SURF4: variants seen among roughly 807,000 people sequenced by gnomAD.
SURF4 encodes the protein surfeit 4.
A neutral mutation model predicts 30.0 loss-of-function variants in SURF4; 3 were observed. That is an observed-to-expected ratio of 0.10 (90% CI 0.05 to 0.26). SURF4 has a LOEUF of 0.26. Among genes scored for constraint, SURF4 ranks in the 10% least tolerant of loss-of-function variants. The pLI is 1.00. For synonymous variants in SURF4, 143 were observed against 139.9 expected, an observed-to-expected ratio of 1.02 and a Z score of -0.16; for missense variants, 217 against 350.8, an observed-to-expected ratio of 0.62 and a Z score of 3.05.
At chr9:133,375,857 A>C (rs1837884262) in intron 1 of SURF4, 65 bp downstream of exon 1, 1 of 1,207,828 alleles carries the variant, frequency 8.3e-7, no homozygotes, top group Non-Finnish European at 1.0e-6. Flanking sequence ...TGGGAGGCCG[A>C]CTCCGGAGCG....
chr9:133,370,315 C>T (rs1837430829), intron 1 of SURF4, among the ~76,000 whole-genome samples: 1 of 152,160 alleles, frequency 6.6e-6, no homozygotes, highest in African/African-American at 2.4e-5. Context: ...ACAGACACAG[C>T]TCTTGGCTTT....
chr9:133,369,270 A>C (rs938069862), intron 1 of SURF4, among the ~76,000 whole-genome samples: 1 of 152,202 alleles, frequency 6.6e-6, no homozygotes, highest in Non-Finnish European at 1.5e-5. Flanking sequence ...GGGAGAAATC[A>C]CAGTGACCGA....
intron 2 of SURF4, among the ~76,000 whole-genome samples, 198 bp downstream of exon 2, chr9:133,367,061 C>T (rs1163071235): frequency 2.0e-5 from 3 of 152,224 alleles, no homozygotes; most frequent in Non-Finnish European, 4.4e-5. Flanking sequence ...AAGCAGTGAG[C>T]TCAGGGCTAG....
At position 133,362,433 on chromosome 9, in the gene SURF4, G is replaced by C. The variant is rs1056772085; in HGVS notation, c.*1060C>G. The C allele has an allele frequency of 1.3e-5, 2 of 152,672 alleles. No homozygotes were observed. The highest frequency in any genetic ancestry group is 4.8e-5 in the African/African-American group (2 of 41,466). The allele number at this position is 152,672 out of a possible 1,614,324, so 9.5% of individuals were successfully genotyped here. A position where few individuals can be genotyped will look rare whatever the true frequency, so the allele number is the denominator to read the frequency against. On this transcript the variant is annotated 3_prime_UTR_variant, in exon 6 of 6. Coordinates refer to ENST00000371989, the MANE Select transcript of SURF4 (RefSeq NM_033161.4). The stretch of plus-strand genomic sequence containing the variant: ...TTGGCTGCATTCGGCATAGCAAACG[G>C]ACAATCTGAGTGAGCGACAGCCTCA...
chr9:133,370,720 A>G (rs1221337391), intron 1 of SURF4, among the ~76,000 whole-genome samples: 1 of 152,164 alleles, frequency 6.6e-6, no homozygotes, highest in African/African-American at 2.4e-5. Flanking sequence ...CACTAAGGCC[A>G]TTGCTGGTAG....
intron 3 of SURF4, 93 bp downstream of exon 3, chr9:133,366,506 G>C (rs587676130): frequency 5.1e-6 from 7 of 1,374,330 alleles, no homozygotes; most frequent in African/African-American, 1.4e-5. Context: ...GGGGCTGAAG[G>C]GGGAGTGACA....
At chr9:133,373,909 C>CAAAAAAAAAAAAAAAAAAAAAAAAAA (rs71824689) in intron 1 of SURF4, among the ~76,000 whole-genome samples, 10 of 47,556 alleles carry the variant, frequency 2.1e-4, no homozygotes, top group Admixed American at 3.0e-4. Flanking sequence ...AATTCTGTCT[C>CAAAAAAAAAAAAAAAAAAAAAAAAAA]AAAAAAAAAA....
At chr9:133,371,071 C>T in intron 1 of SURF4, 2 of 1,234,374 alleles carry the variant, frequency 1.6e-6, no homozygotes, top group Non-Finnish European at 2.1e-6. Flanking sequence ...ACTTCCTGGG[C>T]ATCCAGTGAT....
chr9:133,376,435 CA>C (rs1837948934), upstream of SURF4: 2 of 1,536,864 alleles, frequency 1.3e-6, no homozygotes, highest in South Asian at 1.2e-5. Flanking sequence ...GGGGTGGGGC[CA>C]GGGGTGGACG....
chr9:133,376,022 C>CCGTCGG lies in SURF4; in HGVS notation c.-59_-54dup, dbSNP rs1837903347. ...CGCTCGCTCGCTCGCTGGCTCTCGC[C>CCGTCGG]CGTCGGCGCCCGCACCCGCTGCGGC... On this transcript the variant is annotated 5_prime_UTR_variant, in exon 1 of 6. Transcript: ENST00000371989. The CCGTCGG allele has an allele frequency of 1.6e-6, 2 of 1,217,936 alleles. No individual in the cohort carries two copies. Among genetic ancestry groups the CCGTCGG allele is most frequent in the South Asian group, 4.1e-5 (1 of 24,304 alleles). The allele number at this position is 1,217,936 out of a possible 1,614,324, so 75.4% of individuals were successfully genotyped here.
chr9:133,366,483 C>CA (rs1317142528), intron 3 of SURF4, 116 bp downstream of exon 3: 2 of 1,161,258 alleles, frequency 1.7e-6, no homozygotes, highest in Non-Finnish European at 2.5e-6. Context: ...TCCAGGCAGT[C>CA]AGAGACATGC....
At chr9:133,376,931 T>C (rs2130252212), upstream of SURF4, among the ~76,000 whole-genome samples, 1 of 152,280 alleles carries the variant, frequency 6.6e-6, no homozygotes, top group East Asian at 1.9e-4. Context: ...CCCTGCAGCG[T>C]GGGTCTGTGA....
intron 3 of SURF4, 133 bp from the exon 4 acceptor site, chr9:133,366,161 G>C (rs894551202): frequency 1.2e-6 from 1 of 849,950 alleles, no homozygotes; most frequent in Non-Finnish European, 1.9e-6. Flanking sequence ...GTAGGAGACC[G>C]AGGACAGATC....
chr9:133,365,888 C>A, intron 4 of SURF4, 97 bp downstream of exon 4: 2 of 1,307,558 alleles, frequency 1.5e-6, no homozygotes, highest in South Asian at 1.2e-5. Flanking sequence ...ATGTTGGTGC[C>A]CAAGATTTTT....
intron 5 of SURF4, 118 bp downstream of exon 5, chr9:133,364,722 C>T (rs1338179787): frequency 4.6e-6 from 4 of 862,514 alleles, no homozygotes; most frequent in Non-Finnish European, 7.0e-6. Flanking sequence ...TGCTCCATTT[C>T]AGCAGCTCCC....
intron 3 of SURF4, 104 bp from the exon 4 acceptor site, chr9:133,366,132 TA>T: frequency 8.5e-7 from 1 of 1,175,694 alleles, no homozygotes. Context: ...AGCTGGAGTC[TA>T]AAACACACAA....
chr9:133,363,155 T>C lies in SURF4; in HGVS notation c.*338A>G. On this transcript the variant is annotated 3_prime_UTR_variant, in exon 6 of 6. Transcript: ENST00000371989. This position sits in a 1 kb window ranked among gnomAD's most constrained non-coding sequence, Gnocchi z 4.3. The stretch of plus-strand genomic sequence containing the variant: ...CCAATGCGTCTGCTCACAGTACAGC[T>C]TGAAGGCCCCCTCCTGTACCCCCAC... 1.8e-6 allele frequency: 1 copy of C among 561,824 alleles called. No homozygotes were observed. Among genetic ancestry groups the C allele is most frequent in the Non-Finnish European group, 3.2e-6 (1 of 313,366 alleles). The allele number at this position is 561,824 out of a possible 1,614,324, so 34.8% of individuals were successfully genotyped here. A position where few individuals can be genotyped will look rare whatever the true frequency, so the allele number is the denominator to read the frequency against.
At chr9:133,376,843 G>A (rs1467592654), upstream of SURF4, among the ~76,000 whole-genome samples, 1 of 152,196 alleles carries the variant, frequency 6.6e-6, no homozygotes, top group African/African-American at 2.4e-5. Context: ...TGGGGTCTGT[G>A]CGCTTGGGTC....
Position 133,370,889 on chromosome 9 carries a change from C to T in SURF4, c.49-3444G>A, listed in dbSNP as rs2130183931. The T allele has an allele frequency of 3.1e-6, 4 of 1,289,770 alleles. No individual in the cohort carries two copies. The South Asian group carries it at 4.9e-5, about 16-fold the overall frequency. 79.9% of individuals were successfully genotyped at this position (1,289,770 alleles called of 1,614,324 possible). On this transcript the variant is annotated intron_variant, in intron 1 of 5. Transcript: ENST00000371989. Reference sequence around the variant, plus strand: ...CAGTTAGCTCACCTCTGTGGCCAAGCTTCTCATTAAGTCTCTCCGAGAACC... The same window carrying T: ...CAGTTAGCTCACCTCTGTGGCCAAGTTTCTCATTAAGTCTCTCCGAGAACC...
Sources: allele counts gnomAD v4.1 joint callset (sites outside exome capture counted in the v4.1 genomes callset), GRCh38; gene constraint gnomAD v4.1.1; non-coding constraint Gnocchi (gnomAD v3.1); transcripts MANE v1.5; gene names NCBI Gene and HGNC (gene_info 2026-07-23, HGNC 2026-07-21).